The following RLF variants were observed in gnomAD, a reference collection of about 807,000 sequenced individuals.
RLF encodes RLF zinc finger.
A neutral mutation model predicts 162.9 loss-of-function variants in RLF; 7 were observed. The ratio of observed to expected loss-of-function variants is 0.04; its 90% CI spans 0.02 to 0.08. The LOEUF (loss-of-function observed/expected upper bound fraction) is 0.08, where lower values mean the gene tolerates loss of function less well. Among genes scored for constraint, RLF ranks in the 10% least tolerant of loss-of-function variants. The pLI is 1.00. For missense variants in RLF, 1,664 were observed against 2,244.7 expected (o/e 0.74, Z 5.23); for synonymous variants, 782 against 791.5 (o/e 0.99, Z 0.20).
intron 4 of RLF, among the ~76,000 whole-genome samples, 166 bp from the exon 5 acceptor site, chr1:40,202,246 C>G (rs1642727959): frequency 6.6e-6 from 1 of 152,146 alleles, no homozygotes; most frequent in Non-Finnish European, 1.5e-5. Flanking sequence ...TAATTTTCCT[C>G]TCATCTCTAT....
At chr1:40,209,908 A>AC (rs1314342585) in intron 5 of RLF, among the ~76,000 whole-genome samples, 1 of 151,518 alleles carries the variant, frequency 6.6e-6, no homozygotes, top group African/African-American at 2.4e-5. Context: ...ATCATAAGAG[A>AC]CCAACTATAA....
chr1:40,224,898 A>C (rs1643047719), intron 6 of RLF, among the ~76,000 whole-genome samples: 1 of 151,758 alleles, frequency 6.6e-6, no homozygotes, highest in Non-Finnish European at 1.5e-5. Flanking sequence ...GAGGTACCAG[A>C]ATCACTTGAA....
chr1:40,173,073 G>GGTTTT (rs1553171846), intron 1 of RLF, among the ~76,000 whole-genome samples: 1 of 129,012 alleles, frequency 7.8e-6, no homozygotes, highest in African/African-American at 3.2e-5. Flanking sequence ...TAACATTCAG[G>GGTTTT]TTTTTTTTTT....
In RLF at chr1:40,161,649, C is replaced by G. The variant is rs1306136874; in HGVS notation, c.237+13C>G. 2 of 1,606,924 alleles carry G rather than the reference C, an allele frequency of 1.2e-6. No homozygotes were observed. Among genetic ancestry groups the G allele is most frequent in the Non-Finnish European group, 1.7e-6 (2 of 1,177,850 alleles). Reference sequence around the variant, plus strand: ...GAGCTTCTGCCAGGTGAGGGGCTGACTGGCTGGCTGAGGGCGGCGGGGCGG... The same window carrying G: ...GAGCTTCTGCCAGGTGAGGGGCTGAGTGGCTGGCTGAGGGCGGCGGGGCGG... On this transcript the variant is annotated intron_variant, in intron 1 of 7. Transcript: ENST00000372771. The surrounding 1 kb of genome is among the most constrained non-coding windows in gnomAD (Gnocchi z 4.4).
At chr1:40,163,312 A>C (rs963290161) in intron 1 of RLF, among the ~76,000 whole-genome samples, 1 of 152,044 alleles carries the variant, frequency 6.6e-6, no homozygotes, top group Non-Finnish European at 1.5e-5. Context: ...GGAGGAGGGG[A>C]AACTAATGGA....
At chr1:40,175,205 TG>T (rs372376297) in intron 1 of RLF, among the ~76,000 whole-genome samples, 744 of 39,986 alleles carry the variant, frequency 0.019, 8 homozygotes, top group African/African-American at 0.049. Flanking sequence ...ATGGTGGGGG[TG>T]GGGGGGGGAG....
chr1:40,213,718 A>AT (rs1406406760), intron 5 of RLF, among the ~76,000 whole-genome samples: 3 of 152,224 alleles, frequency 2.0e-5, no homozygotes, highest in Non-Finnish European at 4.4e-5. Flanking sequence ...AAAATAAAAC[A>AT]TTTATCAACT....
At chr1:40,178,050 T>TA (rs1375788804) in intron 1 of RLF, 4 of 134,048 alleles carry the variant, frequency 3.0e-5, no homozygotes, top group Non-Finnish European at 5.1e-5. Context: ...CACAAAAAAA[T>TA]AAAAAACATA....
chr1:40,189,023 A>G, intron 1 of RLF, 32 bp from the exon 2 acceptor site: 1 of 1,404,416 alleles, frequency 7.1e-7, no homozygotes, highest in Non-Finnish European at 9.7e-7. Context: ...CATTATTTTT[A>G]TTTGTAAATA....
At position 40,239,364 on chromosome 1, in the gene RLF, A is replaced by G; in HGVS notation, c.4662A>G (p.Gln1554=). 6.2e-7 allele frequency: 1 copy of G among 1,614,060 alleles called. No homozygotes were observed. Among genetic ancestry groups the G allele is most frequent in the South Asian group, 1.1e-5 (1 of 91,084 alleles). The change falls in exon 8 of 8, where the codon CAA becomes CAG. Residue 1554 remains glutamine (Q), a synonymous_variant. Coordinates refer to ENST00000372771, the MANE Select transcript of RLF (RefSeq NM_012421.4). ...SEHTQYPCMV[Q]GCLSVVKLES... ...ACACACAGTACCCCTGCATGGTTCA[A>G]GGATGCTTATCTGTGGTGAAGTTGG...
intron 5 of RLF, among the ~76,000 whole-genome samples, chr1:40,216,508 GAGAA>G (rs1642926848): frequency 6.8e-6 from 1 of 147,366 alleles, no homozygotes; most frequent in South Asian, 2.2e-4. Flanking sequence ...AAAAGAGAGA[GAGAA>G]AGAAACCCAC....
chr1:40,213,791 G>A (rs576427597), intron 5 of RLF, among the ~76,000 whole-genome samples: 2 of 152,260 alleles, frequency 1.3e-5, no homozygotes, highest in African/African-American at 2.4e-5. Flanking sequence ...ACTAATCAGG[G>A]AAATACTGCA....
At chr1:40,220,862 A>G (rs1276821413) in intron 5 of RLF, among the ~76,000 whole-genome samples, 2 of 152,046 alleles carry the variant, frequency 1.3e-5, no homozygotes, top group Non-Finnish European at 2.9e-5. Context: ...GCATTGGCTC[A>G]CAACTATAAT....
At chr1:40,182,909 T>C (rs757525811) in intron 1 of RLF, among the ~76,000 whole-genome samples, 3 of 152,156 alleles carry the variant, frequency 2.0e-5, no homozygotes, top group Non-Finnish European at 2.9e-5. Context: ...TAATTTACTC[T>C]AGCCACTTAA....
intron 1 of RLF, among the ~76,000 whole-genome samples, chr1:40,174,770 A>G (rs1234900037): frequency 6.6e-6 from 1 of 152,228 alleles, no homozygotes. Context: ...CCCCTGTAGA[A>G]TAAGTGCCCA....
At chr1:40,229,317 ATC>A (rs1157035816) in intron 6 of RLF, among the ~76,000 whole-genome samples, 1 of 152,118 alleles carries the variant, frequency 6.6e-6, no homozygotes, top group Non-Finnish European at 1.5e-5. Flanking sequence ...CAGCTGGCCT[ATC>A]TCAATTTTCA....
In RLF at chr1:40,226,502, G is replaced by C. The variant is rs144361013; in HGVS notation, c.947+3792G>C. Among the ~76,000 whole-genome samples the C allele has an allele frequency of 2.6e-5, 4 of 152,246 alleles. No individual in the cohort carries two copies. In the East Asian group the frequency reaches 5.8e-4, roughly 22 times the overall value. On this transcript the variant is annotated intron_variant, in intron 6 of 7. Transcript: ENST00000372771. ...TGTGTTACACATTTGTATTTCTTCAGATGTAGTTACATGTCTGTTCTGCCC... is the reference window on the plus strand; with the variant it reads ...TGTGTTACACATTTGTATTTCTTCACATGTAGTTACATGTCTGTTCTGCCC...
At chr1:40,177,715 A>G (rs1642346574) in intron 1 of RLF, 1 of 152,072 alleles carries the variant, frequency 6.6e-6, no homozygotes, top group African/African-American at 2.4e-5. Flanking sequence ...TGGAGATTGT[A>G]TAGTTTTAGG....
Position 40,240,116 on chromosome 1 carries a change from G to T in RLF, c.5414G>T (p.Ser1805Ile). 1 of 1,614,172 alleles carries T rather than the reference G, an allele frequency of 6.2e-7. No homozygotes were observed. The highest frequency in any genetic ancestry group is 8.5e-7 in the Non-Finnish European group (1 of 1,180,016). Reference protein sequence around the residue: ...HLTLSNSSQSSNDLTGNVVAN... With the variant: ...HLTLSNSSQSINDLTGNVVAN... ...ACATTAAGTAATTCTTCACAGTCCA[G>T]TAATGATTTAACAGGGAATGTTGTG... Residue 1805 changes from serine to isoleucine, a missense_variant, in exon 8 of 8, where the codon AGT becomes ATT. By Grantham distance (142) the Ser-to-Ile change is moderately radical. This residue lies in a region of RLF where 327 missense variants were observed against 342.7 expected (regional missense o/e 0.95). Coordinates refer to ENST00000372771, the MANE Select transcript of RLF (RefSeq NM_012421.4).
Sources: allele counts gnomAD v4.1 joint callset (sites outside exome capture counted in the v4.1 genomes callset), GRCh38; gene constraint gnomAD v4.1.1; regional missense constraint gnomAD v4.1.1; non-coding constraint Gnocchi (gnomAD v3.1); transcripts MANE v1.5; gene names NCBI Gene and HGNC (gene_info 2026-07-23, HGNC 2026-07-21).